The following PAPPA2 variants were observed in gnomAD, a reference collection of about 807,000 sequenced individuals.
PAPPA2 encodes the protein pappalysin 2, also known as pappalysin-2.
A neutral mutation model predicts 176.4 loss-of-function variants in PAPPA2; 86 were observed. The observed-to-expected ratio is 0.49, with a 90% CI of 0.41 to 0.58. PAPPA2 has a LOEUF of 0.58. Ranked by LOEUF, PAPPA2 falls within the 20% of genes least tolerant of loss-of-function variation. PAPPA2 has a pLI of 0.00. For synonymous variants in PAPPA2, 809 were observed against 852.2 expected (o/e 0.95, Z 0.88); for missense variants, 2,073 against 2,256.9 (o/e 0.92, Z 1.65).
Position 176,841,809 on chromosome 1 carries a change from A to G in PAPPA2, c.5302-571A>G, listed in dbSNP as rs79270867. Among the ~76,000 whole-genome samples the G allele has an allele frequency of 5.0e-3, 756 of 152,300 alleles. 8 individuals carry two copies. Among genetic ancestry groups the G allele is most frequent in the African/African-American group, 0.017 (717 of 41,582 alleles). ...CAAGAAGAGCAAAATCTCATGCTTT[A>G]TGAGGATGGCAAAGATGTTCCTATT... is the stretch of plus-strand genomic sequence containing the variant. On this transcript the variant is annotated intron_variant, in intron 22 of 22. Transcript: ENST00000367662.
chr1:176,624,647 C>T (rs1018766967), intron 3 of PAPPA2, among the ~76,000 whole-genome samples: 1 of 152,132 alleles, frequency 6.6e-6, no homozygotes, highest in Non-Finnish European at 1.5e-5. Flanking sequence ...TTCCTTCCTG[C>T]TGGAATACTG....
chr1:176,637,320 C>A (rs946764849), intron 3 of PAPPA2, among the ~76,000 whole-genome samples: 2 of 152,058 alleles, frequency 1.3e-5, no homozygotes, highest in African/African-American at 4.8e-5. Flanking sequence ...CTGGCATGAC[C>A]AGCATTTATT....
rs1301600596 is a variant in PAPPA2, at chr1:176,842,837, T to C, written c.*383T>C. ...CCCAACTTGTAAACCAATACCAAAA[T>C]ACTAGAGGAGAAGTTGGCAGGGATA... On this transcript the variant is annotated 3_prime_UTR_variant, in exon 23 of 23. Transcript: ENST00000367662. 1.2e-5 allele frequency: 2 copies of C among 167,756 alleles called. No individual in the cohort carries two copies. Among genetic ancestry groups the C allele is most frequent in the East Asian group, 1.7e-4 (1 of 5,966 alleles). The allele number at this position is 167,756 out of a possible 1,614,324, so 10.4% of individuals were successfully genotyped here.
At position 176,695,728 on chromosome 1, in the gene PAPPA2, A is replaced by G. The variant is rs764137389; in HGVS notation, c.2625-10A>G. The G allele has an allele frequency of 1.5e-5, 24 of 1,613,736 alleles. No homozygotes were observed. The South Asian group carries it at 1.6e-4, about 11-fold the overall frequency. ...CCTCATCTCCCATCTCCATCCCTTT[A>G]TCTCCCCAGGGCCTCAGGCAGCTTG... is the stretch of plus-strand genomic sequence containing the variant. On this transcript the variant is annotated splice_polypyrimidine_tract_variant and intron_variant, in intron 6 of 22. Transcript: ENST00000367662.
rs1651366608 is a variant in PAPPA2, at chr1:176,557,180, G to C, written c.858G>C (p.Ala286=). 1 of 1,612,770 alleles carries C rather than the reference G, an allele frequency of 6.2e-7. No individual in the cohort carries two copies. The highest frequency in any genetic ancestry group is 1.3e-5 in the African/African-American group (1 of 74,886). The part of the protein sequence containing the change: ...PEVLAEIPRE[A]FTVEAWVKPE... Reference sequence around the variant, plus strand: ...TGCTGGCTGAGATTCCCCGGGAGGCGTTCACAGTGGAAGCCTGGGTTAAAC... The same window carrying C: ...TGCTGGCTGAGATTCCCCGGGAGGCCTTCACAGTGGAAGCCTGGGTTAAAC... The change falls in exon 2 of 23, where the codon GCG becomes GCC. Residue 286 remains alanine, a synonymous_variant. Coordinates refer to ENST00000367662, the MANE Select transcript of PAPPA2 (RefSeq NM_020318.3).
At chr1:176,558,714 A>G (rs554731803) in intron 2 of PAPPA2, among the ~76,000 whole-genome samples, 55 of 152,140 alleles carry the variant, frequency 3.6e-4, no homozygotes, top group African/African-American at 1.3e-3. Flanking sequence ...CAGCTCCACA[A>G]TTTCTCCCAG....
At chr1:176,696,863 G>A (rs149571224) in intron 7 of PAPPA2, among the ~76,000 whole-genome samples, 19 of 152,286 alleles carry the variant, frequency 1.2e-4, no homozygotes, top group African/African-American at 4.3e-4. Context: ...ATATCATCCT[G>A]GGCTCCCAGT....
intron 17 of PAPPA2, among the ~76,000 whole-genome samples, chr1:176,788,874 T>C (rs568621306): frequency 5.3e-5 from 8 of 152,264 alleles, no homozygotes; most frequent in Non-Finnish European, 1.0e-4. Context: ...TCAGAATCTC[T>C]GTTTTAAAAG....
intron 2 of PAPPA2, among the ~76,000 whole-genome samples, chr1:176,593,785 C>T (rs1009333011): frequency 4.6e-5 from 7 of 152,220 alleles, no homozygotes; most frequent in Admixed American, 3.9e-4. Flanking sequence ...AATCTGGAAA[C>T]AGTCTGCTTC....
chr1:176,612,307 T>A (rs1654973710), intron 3 of PAPPA2, among the ~76,000 whole-genome samples: 1 of 152,044 alleles, frequency 6.6e-6, no homozygotes, highest in Non-Finnish European at 1.5e-5. Flanking sequence ...GGCATGAGAA[T>A]CGCCTGAATC....
chr1:176,587,269 G>T (rs922174831), intron 2 of PAPPA2, among the ~76,000 whole-genome samples: 1 of 151,930 alleles, frequency 6.6e-6, no homozygotes, highest in African/African-American at 2.4e-5. Context: ...AGTTTCTTTT[G>T]CTGTGCAGAA....
chr1:176,475,296 G>A (rs1652061585), intron 1 of PAPPA2, among the ~76,000 whole-genome samples: 1 of 152,196 alleles, frequency 6.6e-6, no homozygotes, highest in Non-Finnish European at 1.5e-5. Context: ...GATTACATAT[G>A]TGTGTGTATG....
At chr1:176,737,956 C>A in intron 12 of PAPPA2, among the ~76,000 whole-genome samples, 1 of 152,024 alleles carries the variant, frequency 6.6e-6, no homozygotes, top group East Asian at 1.9e-4. Context: ...GGGGTAAAGC[C>A]ACCAGGTATT....
intron 21 of PAPPA2, among the ~76,000 whole-genome samples, chr1:176,802,181 G>A (rs1348622514): frequency 4.6e-5 from 7 of 152,188 alleles, no homozygotes; most frequent in South Asian, 4.2e-4. Flanking sequence ...GAGAACCACC[G>A]CCCCAACCGA....
intron 1 of PAPPA2, among the ~76,000 whole-genome samples, chr1:176,506,989 G>A (rs1648305673): frequency 6.6e-6 from 1 of 151,914 alleles, no homozygotes; most frequent in Non-Finnish European, 1.5e-5. Flanking sequence ...ACTATCAATA[G>A]AATAAACAGA....
At chr1:176,712,834 T>C (rs1661204959) in intron 12 of PAPPA2, among the ~76,000 whole-genome samples, 1 of 152,188 alleles carries the variant, frequency 6.6e-6, no homozygotes, top group African/African-American at 2.4e-5. Flanking sequence ...TTCATCAACA[T>C]TTGGTCTTTT....
At chr1:176,667,112 G>A (rs1353350303) in intron 3 of PAPPA2, among the ~76,000 whole-genome samples, 1 of 152,096 alleles carries the variant, frequency 6.6e-6, no homozygotes, top group Non-Finnish European at 1.5e-5. Flanking sequence ...GGGCATGGTG[G>A]CACATGCCTG....
At position 176,836,169 on chromosome 1, in the gene PAPPA2, T is replaced by C. The variant is rs146732581; in HGVS notation, c.5203-4004T>C. On this transcript the variant is annotated intron_variant, in intron 21 of 22. Coordinates refer to ENST00000367662, the MANE Select transcript of PAPPA2 (RefSeq NM_020318.3). The stretch of plus-strand genomic sequence containing the variant: ...ATGCCTGATTTGGAAAGGAGCTTCT[T>C]TGGGGCCTGATAGAACTGAATTAAT... Among the ~76,000 whole-genome samples, 11 of 152,296 alleles carry C rather than the reference T, an allele frequency of 7.2e-5. No individual in the cohort carries two copies. In the East Asian group the frequency reaches 1.9e-3, roughly 27 times the overall value.
At chr1:176,812,115 G>C (rs1361148209) in intron 21 of PAPPA2, among the ~76,000 whole-genome samples, 1 of 151,702 alleles carries the variant, frequency 6.6e-6, no homozygotes, top group East Asian at 1.9e-4. Flanking sequence ...TTCTGGGTGG[G>C]CCACTTTCTC....
Sources: allele counts gnomAD v4.1 joint callset (sites outside exome capture counted in the v4.1 genomes callset), GRCh38; gene constraint gnomAD v4.1.1; transcripts MANE v1.5; gene names NCBI Gene and HGNC (gene_info 2026-07-23, HGNC 2026-07-21).